The following VCL variants were observed in gnomAD, a reference collection of about 807,000 sequenced individuals.
The protein encoded by VCL is vinculin.
In VCL, 47 loss-of-function variants were observed where a neutral mutation model predicts 125.7. That is an observed-to-expected ratio of 0.37 (90% confidence interval 0.30 to 0.48). VCL has a LOEUF of 0.48. Ranked by LOEUF, VCL falls within the 20% of genes least tolerant of loss-of-function variation. The probability of loss-of-function intolerance (pLI) is 0.99; values close to 1 mark genes in which losing one functional copy is unlikely to be tolerated. For synonymous variants in VCL, 458 were observed against 514.6 expected, an observed-to-expected ratio of 0.89 and a Z score of 1.49; for missense variants, 1,069 against 1,455.5, an observed-to-expected ratio of 0.73 and a Z score of 4.32.
chr10:74,023,299 A>G (rs1433597920), intron 1 of VCL, among the ~76,000 whole-genome samples: 2 of 152,236 alleles, frequency 1.3e-5, no homozygotes, highest in Admixed American at 6.5e-5. Flanking sequence ...CAGAACAGTA[A>G]CATGCTATAC....
chr10:74,090,899 C>T (rs1451453254), intron 10 of VCL, among the ~76,000 whole-genome samples: 1 of 152,056 alleles, frequency 6.6e-6, no homozygotes, highest in Non-Finnish European at 1.5e-5. Flanking sequence ...CTCCCAGGCT[C>T]AAGCCATCCT....
At chr10:74,117,396 TG>T (rs1840327803) in intron 21 of VCL, among the ~76,000 whole-genome samples, 1 of 152,166 alleles carries the variant, frequency 6.6e-6, no homozygotes, top group Non-Finnish European at 1.5e-5. Context: ...GCCTACTGTA[TG>T]TAGTCTTAGC....
At chr10:74,025,591 G>A (rs1840756160) in intron 1 of VCL, among the ~76,000 whole-genome samples, 1 of 150,092 alleles carries the variant, frequency 6.7e-6, no homozygotes, top group African/African-American at 2.4e-5. Flanking sequence ...TCCAGCCTGG[G>A]TGACAGAGCA....
At chr10:74,020,677 CA>C (rs1217604687) in intron 1 of VCL, among the ~76,000 whole-genome samples, 1 of 151,466 alleles carries the variant, frequency 6.6e-6, no homozygotes, top group Non-Finnish European at 1.5e-5. Context: ...CCTGTCTCTA[CA>C]AAAAATACAA....
chr10:74,011,741 A>G (rs1245532883), intron 1 of VCL, among the ~76,000 whole-genome samples: 1 of 152,182 alleles, frequency 6.6e-6, no homozygotes, highest in Non-Finnish European at 1.5e-5. Context: ...ACGATATTAT[A>G]TTGTGTTGGG....
chr10:74,002,998 A>G (rs1280479269), intron 1 of VCL, among the ~76,000 whole-genome samples: 1 of 151,554 alleles, frequency 6.6e-6, no homozygotes, highest in East Asian at 1.9e-4. Flanking sequence ...ATATATATAT[A>G]AATATATATA....
chr10:74,042,821 G>A (rs1841119860), intron 1 of VCL, among the ~76,000 whole-genome samples: 2 of 152,128 alleles, frequency 1.3e-5, no homozygotes, highest in Admixed American at 1.3e-4. Flanking sequence ...CTCCTATTAT[G>A]CTCAGTAATG....
chr10:74,114,940 G>A, intron 21 of VCL, 41 bp downstream of exon 21: 2 of 1,536,834 alleles, frequency 1.3e-6, no homozygotes, highest in Non-Finnish European at 1.8e-6. Flanking sequence ...GGCAGCTTCT[G>A]TGCCGTTTTG....
At chr10:74,019,371 A>G (rs1840618158) in intron 1 of VCL, among the ~76,000 whole-genome samples, 1 of 152,138 alleles carries the variant, frequency 6.6e-6, no homozygotes. Context: ...CCCCGCATGC[A>G]TTAGGTATTT....
intron 1 of VCL, among the ~76,000 whole-genome samples, chr10:73,998,672 G>A (rs1297661944): frequency 6.6e-6 from 1 of 152,234 alleles, no homozygotes; most frequent in Non-Finnish European, 1.5e-5. Context: ...CGCGCGGCGT[G>A]TGGCCCACAG....
intron 1 of VCL, among the ~76,000 whole-genome samples, chr10:74,018,177 G>GAT (rs72407698): frequency 0.19 from 15,294 of 81,746 alleles, 1,753 homozygotes; most frequent in South Asian, 0.27. Flanking sequence ...ATATATATAG[G>GAT]ATATATATAT....
rs908188641 is a variant in VCL, at chr10:74,059,250, A to C, written c.240-11420A>C. ...CATGCCTATAATCCCAACTACTGGG[A>C]GGCTAAGGCTTGAGAATCACTTGAG... On this transcript the variant is annotated intron_variant, in intron 2 of 21. Transcript: ENST00000211998. Among the ~76,000 whole-genome samples the C allele has an allele frequency of 1.3e-5, 2 of 152,022 alleles. 1 individual carries two copies. Among genetic ancestry groups the C allele is most frequent in the South Asian group, 4.2e-4 (2 of 4,816 alleles).
intron 1 of VCL, among the ~76,000 whole-genome samples, chr10:74,038,842 A>G (rs546878571): frequency 1.8e-4 from 28 of 152,248 alleles, no homozygotes; most frequent in African/African-American, 6.3e-4. Flanking sequence ...TGTTTGCCAT[A>G]TATCAGCCTT....
rs571976516 is a variant in VCL, at chr10:74,082,681, T to C, written c.874+137T>C. On this transcript the variant is annotated intron_variant, in intron 7 of 21. Coordinates refer to ENST00000211998, the MANE Select transcript of VCL (RefSeq NM_014000.3). ...TTATGGGGCATACCCCATTATCTGA[T>C]AGTTCTGAGTAACTGAAGCAAGTAG... 3.1e-5 allele frequency: 28 copies of C among 897,712 alleles called. 1 individual carries two copies. In the South Asian group the frequency reaches 4.0e-4, roughly 13 times the overall value. 55.6% of individuals were successfully genotyped at this position (897,712 alleles called of 1,614,324 possible).
intron 1 of VCL, among the ~76,000 whole-genome samples, chr10:74,004,714 T>TC (rs1217505919): frequency 6.6e-6 from 1 of 152,032 alleles, no homozygotes; most frequent in East Asian, 1.9e-4. Context: ...CTTTTCTTTT[T>TC]TTTTTTTTGA....
chr10:74,016,573 C>A (rs934002661), intron 1 of VCL, among the ~76,000 whole-genome samples: 2 of 151,802 alleles, frequency 1.3e-5, no homozygotes, highest in Admixed American at 6.6e-5. Context: ...GGCAACAGAG[C>A]GAGACTCTGT....
intron 1 of VCL, among the ~76,000 whole-genome samples, chr10:74,028,114 T>C (rs550955792): frequency 6.6e-6 from 1 of 152,326 alleles, no homozygotes; most frequent in East Asian, 1.9e-4. Context: ...CTCCCCCTGT[T>C]GCCCAGGCCA....
chr10:74,106,108 G>A (rs1436968423), intron 16 of VCL, among the ~76,000 whole-genome samples: 2 of 150,300 alleles, frequency 1.3e-5, no homozygotes, highest in Admixed American at 6.6e-5. Context: ...TTTTAGTAGA[G>A]GCAGAGTTTC....
chr10:74,055,530 ATTT>A (rs969578047), intron 2 of VCL, among the ~76,000 whole-genome samples: 5 of 143,876 alleles, frequency 3.5e-5, no homozygotes, highest in Non-Finnish European at 7.7e-5. Context: ...GAAAAAAAAA[ATTT>A]TTTTTTTTTT....
Sources: allele counts gnomAD v4.1 joint callset (sites outside exome capture counted in the v4.1 genomes callset), GRCh38; gene constraint gnomAD v4.1.1; transcripts MANE v1.5; gene names NCBI Gene and HGNC (gene_info 2026-07-23, HGNC 2026-07-21).